EIF3CL: variants seen among roughly 807,000 people sequenced by gnomAD.
EIF3CL encodes the protein eukaryotic translation initiation factor 3 subunit C like.
For missense variants in EIF3CL, 5 were observed against 56.1 expected, an observed-to-expected ratio of 0.09 and a Z score of 2.91; for synonymous variants, 2 against 19.6, an observed-to-expected ratio of 0.10 and a Z score of 2.37.
At chr16:28,410,646 A>C in the EIF3CL span, among the ~76,000 whole-genome samples, 2,148 of 147,038 alleles carry the variant, frequency 0.015, 49 homozygotes, top group East Asian at 0.08. Context: ...TGCAATTGCA[A>C]GATCCCAGCT....
the EIF3CL span, among the ~76,000 whole-genome samples, chr16:28,421,477 G>A: frequency 1.3e-4 from 1 of 7,586 alleles, no homozygotes; most frequent in Non-Finnish European, 3.8e-4. Flanking sequence ...CAATCCACAA[G>A]CATATGATGT....
At chr16:28,382,290 G>A (rs1267202476) in intron 16 of EIF3CL, among the ~76,000 whole-genome samples, 1 of 76,878 alleles carries the variant, frequency 1.3e-5, no homozygotes, top group African/African-American at 3.7e-5. Context: ...GAACAACAGT[G>A]CAGGGCTGAT....
At chr16:28,414,849 T>C in the EIF3CL span, 4 of 504,822 alleles carry the variant, frequency 7.9e-6, no homozygotes, top group Non-Finnish European at 1.2e-5. Flanking sequence ...GACGCGCAAA[T>C]GCAGCAAGAT....
the EIF3CL span, among the ~76,000 whole-genome samples, chr16:28,417,872 CA>C: frequency 0.31 from 32,960 of 106,808 alleles, 1,376 homozygotes; most frequent in South Asian, 0.4. Flanking sequence ...TTTAGGAATG[CA>C]AAAAAAAAAA....
chr16:28,416,633 G>A, the EIF3CL span, among the ~76,000 whole-genome samples: 1 of 77,980 alleles, frequency 1.3e-5, no homozygotes, highest in South Asian at 3.5e-4. Flanking sequence ...TGAGAAGTGA[G>A]GAGCCCCTCC....
At chr16:28,416,746 G>A in the EIF3CL span, among the ~76,000 whole-genome samples, 3 of 117,244 alleles carry the variant, frequency 2.6e-5, no homozygotes, top group Non-Finnish European at 3.8e-5. Context: ...CCCCGTCCGG[G>A]AGGGAGGTGG....
chr16:28,419,353 C>G, the EIF3CL span, among the ~76,000 whole-genome samples: 2 of 150,458 alleles, frequency 1.3e-5, no homozygotes, highest in Non-Finnish European at 2.9e-5. Context: ...GGGACTTTCC[C>G]TTAGCCCTTT....
At chr16:28,415,790 T>C in the EIF3CL span, among the ~76,000 whole-genome samples, 1 of 130,132 alleles carries the variant, frequency 7.7e-6, no homozygotes, top group South Asian at 2.3e-4. Flanking sequence ...CCTATTTTCA[T>C]GCCCTCTCCC....
the EIF3CL span, chr16:28,415,007 G>A: frequency 2.1e-6 from 1 of 467,230 alleles, no homozygotes. Flanking sequence ...AGGCGGGGAT[G>A]TCAGTGCGTG....
At chr16:28,417,826 T>A in the EIF3CL span, among the ~76,000 whole-genome samples, 5 of 125,856 alleles carry the variant, frequency 4.0e-5, no homozygotes, top group Non-Finnish European at 8.9e-5. Context: ...AAAAATAAAT[T>A]TAAAAAAAAA....
the EIF3CL span, among the ~76,000 whole-genome samples, chr16:28,415,589 A>G: frequency 3.3e-5 from 4 of 120,798 alleles, no homozygotes; most frequent in Non-Finnish European, 5.1e-5. Context: ...ATCTCTACTA[A>G]AAATACAAAA....
intron 15 of EIF3CL, among the ~76,000 whole-genome samples, chr16:28,385,490 G>A (rs2045596523): frequency 9.0e-6 from 1 of 111,228 alleles, no homozygotes; most frequent in Non-Finnish European, 2.0e-5. Context: ...CACTATGCCT[G>A]ACTAGTTTCT....
the EIF3CL span, among the ~76,000 whole-genome samples, chr16:28,425,040 C>CT: frequency 1.6e-3 from 5 of 3,046 alleles, no homozygotes; most frequent in East Asian, 4.5e-3. Flanking sequence ...GTTCTTGGAA[C>CT]TTTTTTTTTT....
At chr16:28,426,005 C>T in the EIF3CL span, among the ~76,000 whole-genome samples, 2 of 110,792 alleles carry the variant, frequency 1.8e-5, 1 homozygote, top group Non-Finnish European at 3.9e-5. Flanking sequence ...TCGCTTGAAC[C>T]CGGGAAGCAG....
upstream of EIF3CL, among the ~76,000 whole-genome samples, chr16:28,407,871 T>C (rs9708591): frequency 0.34 from 931 of 2,712 alleles, 196 homozygotes; most frequent in African/African-American, 0.5. Context: ...TCAACTTCAT[T>C]TTGTAAATAG....
chr16:28,384,710 C>A (rs2045590673), intron 15 of EIF3CL, among the ~76,000 whole-genome samples: 1 of 68,130 alleles, frequency 1.5e-5, no homozygotes. Context: ...AAGAATGACT[C>A]CAAGGTTTCT....
chr16:28,417,643 A>C, the EIF3CL span, among the ~76,000 whole-genome samples: 79 of 97,840 alleles, frequency 8.1e-4, no homozygotes, highest in African/African-American at 2.6e-3. Context: ...GTCATCACCA[A>C]TCCCTAATCT....
the EIF3CL span, among the ~76,000 whole-genome samples, chr16:28,416,648 G>A: frequency 6.0e-5 from 5 of 82,988 alleles, 1 homozygote; most frequent in South Asian, 3.3e-4. Flanking sequence ...CCCTCCGCCC[G>A]GCAGCCGCCC....
the EIF3CL span, chr16:28,414,071 G>A: frequency 1.9e-6 from 1 of 530,294 alleles, no homozygotes; most frequent in Middle Eastern, 3.2e-4. Context: ...CCAAGAAAAA[G>A]AGCATGACCT....
Sources: allele counts gnomAD v4.1 joint callset (sites outside exome capture counted in the v4.1 genomes callset), GRCh38; gene constraint gnomAD v4.1.1; transcripts MANE v1.5; gene names NCBI Gene and HGNC (gene_info 2026-07-23, HGNC 2026-07-21).